Variants in NALCN observed in about 807,000 individuals in gnomAD.
NALCN encodes the protein sodium leak channel NALCN.
A neutral mutation model predicts 225.3 loss-of-function variants in NALCN; 111 were observed. The ratio of observed to expected loss-of-function variants is 0.49; its 90% CI spans 0.42 to 0.58. The LOEUF is 0.58. Ranked by LOEUF, NALCN falls within the 20% of genes least tolerant of loss-of-function variation. The pLI is 0.00. For synonymous variants in NALCN, 764 were observed against 769.0 expected (o/e 0.99, Z 0.11); for missense variants, 1,378 against 2,202.4 (o/e 0.63, Z 7.49).
intron 34 of NALCN, among the ~76,000 whole-genome samples, chr13:101,079,156 G>C (rs976978587): frequency 1.3e-5 from 2 of 152,088 alleles, no homozygotes; most frequent in African/African-American, 4.8e-5. Flanking sequence ...CCCAGTTTTG[G>C]GTATTTCTTC....
rs112400451 is a variant in NALCN at position 101,175,146 on chromosome 13, C to T, written c.1839+1154G>A. On this transcript the variant is annotated intron_variant, in intron 15 of 43. Transcript: ENST00000251127. ...GGGAAGAAATCATCTCTAGCAGAGCCGGGAAGATGCCCATTTGCCTGGGTA... is the reference window on the plus strand; with the variant it reads ...GGGAAGAAATCATCTCTAGCAGAGCTGGGAAGATGCCCATTTGCCTGGGTA... Among the ~76,000 whole-genome samples, 1,520 of 152,224 alleles carry T rather than the reference C, an allele frequency of 1.0e-2. 29 individuals are homozygous for T. The highest frequency in any genetic ancestry group is 0.034 in the African/African-American group (1,428 of 41,540).
In NALCN at chr13:101,261,434, C is replaced by T. The variant is rs192391572; in HGVS notation, c.1135-2860G>A. 5.1e-4 allele frequency among the ~76,000 whole-genome samples: 78 copies of T among 152,200 alleles called. 2 individuals carry two copies. Among genetic ancestry groups the T allele is most frequent in the African/African-American group, 1.8e-3 (73 of 41,522 alleles). ...AGGATTCAATTGCATCTGTAGACTG[C>T]TTTGGGTAGTATGAACATTTTAACA... On this transcript the variant is annotated intron_variant, in intron 10 of 43. Coordinates refer to ENST00000251127, the MANE Select transcript of NALCN (RefSeq NM_052867.4).
chr13:101,369,934 A>G (rs537889792), intron 6 of NALCN, among the ~76,000 whole-genome samples: 1 of 152,224 alleles, frequency 6.6e-6, no homozygotes, highest in Non-Finnish European at 1.5e-5. Context: ...TTTCTGCTTA[A>G]ACTTTGTTTT....
intron 14 of NALCN, among the ~76,000 whole-genome samples, chr13:101,185,175 G>A (rs769864228): frequency 4.6e-5 from 7 of 152,136 alleles, no homozygotes; most frequent in African/African-American, 7.2e-5. Context: ...TGTAATCAGC[G>A]CAGTGTAAAA....
At chr13:101,265,228 T>G (rs1419799386) in intron 10 of NALCN, among the ~76,000 whole-genome samples, 2 of 152,182 alleles carry the variant, frequency 1.3e-5, no homozygotes, top group Non-Finnish European at 2.9e-5. Flanking sequence ...TCACCTTCTA[T>G]GAAACATGAT....
At chr13:101,123,896 A>AG (rs111726314) in intron 18 of NALCN, among the ~76,000 whole-genome samples, 17 of 152,196 alleles carry the variant, frequency 1.1e-4, no homozygotes, top group Admixed American at 1.0e-3. Context: ...GCAGGTTTGC[A>AG]GGGGGCTTCC....
At chr13:101,082,173 C>T (rs2010403) in intron 33 of NALCN, among the ~76,000 whole-genome samples, 65,461 of 151,998 alleles carry the variant, frequency 0.43, 14,203 homozygotes, top group East Asian at 0.48. Context: ...CCAGCATGCT[C>T]GGTTATACTA....
chr13:101,224,813 A>G (rs1021388138), intron 13 of NALCN, among the ~76,000 whole-genome samples: 4 of 152,048 alleles, frequency 2.6e-5, no homozygotes, highest in Admixed American at 1.3e-4. Flanking sequence ...CCATAACTAC[A>G]CACACCCCCC....
chr13:101,252,376 G>A (rs538828741), intron 11 of NALCN, among the ~76,000 whole-genome samples: 40 of 152,282 alleles, frequency 2.6e-4, no homozygotes, highest in Non-Finnish European at 5.1e-4. Flanking sequence ...TCCTGTGGGG[G>A]ACTAAGAGGG....
intron 11 of NALCN, among the ~76,000 whole-genome samples, chr13:101,238,306 A>G (rs2041637809): frequency 6.6e-6 from 1 of 151,954 alleles, no homozygotes; most frequent in Non-Finnish European, 1.5e-5. Flanking sequence ...ATATTATAAA[A>G]TAACAACTTA....
At chr13:101,154,622 C>T (rs943698910) in intron 15 of NALCN, among the ~76,000 whole-genome samples, 18 of 152,214 alleles carry the variant, frequency 1.2e-4, no homozygotes, top group African/African-American at 4.1e-4. Flanking sequence ...GCACAACTCT[C>T]TGTGGCCCTG....
intron 42 of NALCN, 60 bp from the exon 43 acceptor site, chr13:101,058,116 A>C (rs2031494561): frequency 7.0e-7 from 1 of 1,430,336 alleles, no homozygotes. Context: ...TCCTCCTTTT[A>C]CTATAAGAAA....
chr13:101,315,313 C>T (rs1400731757), intron 7 of NALCN, among the ~76,000 whole-genome samples: 1 of 152,138 alleles, frequency 6.6e-6, no homozygotes, highest in African/African-American at 2.4e-5. Flanking sequence ...CAAAGGCTCA[C>T]TGGGAAGGCA....
In NALCN at chr13:101,318,946, A is replaced by T. The variant is rs561525770; in HGVS notation, c.799+26320T>A. Among the ~76,000 whole-genome samples the T allele has an allele frequency of 2.0e-5, 3 of 152,308 alleles. No homozygotes were observed. In the South Asian group the frequency reaches 6.2e-4, roughly 32 times the overall value. On this transcript the variant is annotated intron_variant, in intron 7 of 43. Coordinates refer to ENST00000251127, the MANE Select transcript of NALCN (RefSeq NM_052867.4). The stretch of plus-strand genomic sequence containing the variant: ...TACTCTTCAAACTCAATAAACCTGG[A>T]CAAAAGAAATAAAAACCTAATAAAC...
chr13:101,213,139 A>G (rs2040592383), intron 13 of NALCN, among the ~76,000 whole-genome samples: 3 of 151,938 alleles, frequency 2.0e-5, no homozygotes, highest in Non-Finnish European at 1.5e-5. Flanking sequence ...CAGAAATAAT[A>G]CCACACATCT....
intron 6 of NALCN, among the ~76,000 whole-genome samples, chr13:101,346,714 T>C (rs1200466563): frequency 6.6e-6 from 1 of 152,120 alleles, no homozygotes; most frequent in Non-Finnish European, 1.5e-5. Flanking sequence ...TGTAATGGCT[T>C]TCCTGACAGC....
chr13:101,345,399 T>C lies in NALCN; in HGVS notation c.666A>G (p.Leu222=). The C allele has an allele frequency of 6.2e-7, 1 of 1,613,452 alleles. No homozygotes were observed. Among genetic ancestry groups the C allele is most frequent in the Non-Finnish European group, 8.5e-7 (1 of 1,179,644 alleles). The change falls in exon 7 of 44, where the codon TTA becomes TTG. Residue 222 remains leucine, a synonymous_variant. Transcript: ENST00000251127. The part of the protein sequence containing the change: ...TKPGNVTWNS[L]AIPDTHCSPE... Reference sequence around the variant, plus strand: ...GTGAGCAGTGTGTGTCTGGAATAGCTAAACTATTCCAGGTTACATTCCTGT... The same window carrying C: ...GTGAGCAGTGTGTGTCTGGAATAGCCAAACTATTCCAGGTTACATTCCTGT...
intron 13 of NALCN, among the ~76,000 whole-genome samples, chr13:101,209,345 A>G (rs2040437855): frequency 6.6e-6 from 1 of 152,192 alleles, no homozygotes; most frequent in Non-Finnish European, 1.5e-5. Context: ...GTACCTCATA[A>G]TCACTGTAGA....
chr13:101,107,464 T>A (rs753012385), intron 22 of NALCN, 23 bp downstream of exon 22: 2 of 1,613,744 alleles, frequency 1.2e-6, no homozygotes, highest in Admixed American at 3.3e-5. Flanking sequence ...GCCAAACACC[T>A]GGCTGAAATG....
Sources: allele counts gnomAD v4.1 joint callset (sites outside exome capture counted in the v4.1 genomes callset), GRCh38; gene constraint gnomAD v4.1.1; transcripts MANE v1.5; gene names NCBI Gene and HGNC (gene_info 2026-07-23, HGNC 2026-07-21).